The following KCNK12 variants were observed in gnomAD, a reference collection of about 807,000 sequenced individuals.
The protein encoded by KCNK12 is potassium two pore domain channel subfamily K member 12.
In KCNK12, 6 loss-of-function variants were observed where a neutral mutation model predicts 25.3. The ratio of observed to expected loss-of-function variants is 0.24; its 90% CI spans 0.13 to 0.47. The LOEUF (loss-of-function observed/expected upper bound fraction) is 0.47, where lower values mean the gene tolerates loss of function less well. Among genes scored for constraint, KCNK12 ranks in the 20% least tolerant of loss-of-function variants. KCNK12 has a pLI of 0.99. For missense variants in KCNK12, 444 were observed against 661.7 expected, an observed-to-expected ratio of 0.67 and a Z score of 3.61; for synonymous variants, 331 against 311.1, an observed-to-expected ratio of 1.06 and a Z score of -0.67.
rs1436182638 is a variant in KCNK12 at position 47,529,865 on chromosome 2, TA to T, written c.392-8058del. On this transcript the variant is annotated intron_variant, in intron 1 of 1. Transcript: ENST00000327876. The surrounding 1 kb of genome is among the most constrained non-coding windows in gnomAD (Gnocchi z 4.3). ...GGTAAACAAGAAATCATTTTTTAAGTATAAGTATGTCCCAAATATTGCATAG... is the reference window on the plus strand; with the variant it reads ...GGTAAACAAGAAATCATTTTTTAAGTTAAGTATGTCCCAAATATTGCATAG... 6.6e-6 allele frequency among the ~76,000 whole-genome samples: 1 copy of T among 152,226 alleles called. No individual in the cohort carries two copies. Among genetic ancestry groups the T allele is most frequent in the Non-Finnish European group, 1.5e-5 (1 of 68,038 alleles).
intron 1 of KCNK12, among the ~76,000 whole-genome samples, chr2:47,526,924 C>A (rs1452420071): frequency 1.3e-5 from 2 of 152,184 alleles, no homozygotes; most frequent in East Asian, 3.8e-4. Context: ...GTGAAAGCCA[C>A]CACCTAACAA....
chr2:47,552,628 C>G (rs934982956), intron 1 of KCNK12, among the ~76,000 whole-genome samples: 8 of 151,940 alleles, frequency 5.3e-5, no homozygotes, highest in African/African-American at 1.9e-4. Flanking sequence ...ATTAGCTGGG[C>G]ATGGTGGTGC....
chr2:47,569,480 T>C lies in KCNK12; in HGVS notation c.391+461A>G, dbSNP rs2104909436. 6.6e-6 allele frequency among the ~76,000 whole-genome samples: 1 copy of C among 151,896 alleles called. No individual in the cohort carries two copies. The highest frequency in any genetic ancestry group is 3.4e-3 in the Middle Eastern group (1 of 292). ...CCAGGGTAAAGGAGTTAGAGGCCACTGAGGGAGAAAACAGGGTAAAAGAAG... is the reference window on the plus strand; with the variant it reads ...CCAGGGTAAAGGAGTTAGAGGCCACCGAGGGAGAAAACAGGGTAAAAGAAG... On this transcript the variant is annotated intron_variant, in intron 1 of 1. Coordinates refer to ENST00000327876, the MANE Select transcript of KCNK12 (RefSeq NM_022055.2). This position sits in a 1 kb window ranked among gnomAD's most constrained non-coding sequence, Gnocchi z 4.1.
chr2:47,549,298 A>G (rs1010934812), intron 1 of KCNK12, among the ~76,000 whole-genome samples: 1 of 152,240 alleles, frequency 6.6e-6, no homozygotes, highest in Non-Finnish European at 1.5e-5. Flanking sequence ...GCTTAAAAAC[A>G]AGTCTGGAAA....
chr2:47,540,800 A>AAAC lies in KCNK12; in HGVS notation c.392-18993_392-18992insGTT, dbSNP rs1558556578. On this transcript the variant is annotated intron_variant, in intron 1 of 1. Transcript: ENST00000327876. The surrounding 1 kb of genome is among the most constrained non-coding windows in gnomAD (Gnocchi z 5.4). ...ACAAACAAACAAACAAACAAACAAA[A>AAAC]GCAAGCTGGGCATGGTGGCTCACAC... 1.0e-3 allele frequency among the ~76,000 whole-genome samples: 113 copies of AAAC among 111,946 alleles called. No homozygotes were observed. The highest frequency in any genetic ancestry group is 4.9e-3 in the African/African-American group (109 of 22,210). 73.4% of individuals were successfully genotyped at this position (111,946 alleles called of 152,430 possible).
Position 47,517,269 on chromosome 2 carries a change from C to G in KCNK12, c.*3638G>C, listed in dbSNP as rs1019062420. 3.9e-5 allele frequency: 6 copies of G among 152,180 alleles called. No individual in the cohort carries two copies. Among genetic ancestry groups the G allele is most frequent in the African/African-American group, 1.4e-4 (6 of 41,420 alleles). The allele number at this position is 152,180 out of a possible 1,614,324, so 9.4% of individuals were successfully genotyped here. A position where few individuals can be genotyped will look rare whatever the true frequency, so the allele number is the denominator to read the frequency against. ...AGCTTCTCCTTTGGCCATGAGGGCT[C>G]AGTCATCCCTCACCCCAGAGTCCAC... On this transcript the variant is annotated 3_prime_UTR_variant, in exon 2 of 2. Coordinates refer to ENST00000327876, the MANE Select transcript of KCNK12 (RefSeq NM_022055.2). The surrounding 1 kb of genome is among the most constrained non-coding windows in gnomAD (Gnocchi z 4.1).
chr2:47,552,862 G>C (rs573092973), intron 1 of KCNK12, among the ~76,000 whole-genome samples: 3 of 152,274 alleles, frequency 2.0e-5, no homozygotes, highest in South Asian at 2.1e-4. Flanking sequence ...AAGAAATGAG[G>C]GGGGAATGGA....
In KCNK12 at chr2:47,512,674, A is replaced by C; in HGVS notation, c.*8233T>G. The C allele has an allele frequency of 2.1e-6, 1 of 480,974 alleles. No individual in the cohort carries two copies. The highest frequency in any genetic ancestry group is 2.8e-5 in the South Asian group (1 of 35,806). The allele number at this position is 480,974 out of a possible 1,614,324, so 29.8% of individuals were successfully genotyped here. ...TGCCCTTGTACACCCACTGCCTCTG[A>C]ACTCTGCTCTGCATTGCTGAGCAAA... On this transcript the variant is annotated 3_prime_UTR_variant, in exon 2 of 2. Coordinates refer to ENST00000327876, the MANE Select transcript of KCNK12 (RefSeq NM_022055.2).
chr2:47,539,749 G>A (rs917630073), intron 1 of KCNK12, among the ~76,000 whole-genome samples: 1 of 152,210 alleles, frequency 6.6e-6, no homozygotes, highest in African/African-American at 2.4e-5. Flanking sequence ...AGAAGGAGCC[G>A]AAAGGGGAAG....
rs527868210 is a variant in KCNK12 at position 47,549,353 on chromosome 2, A to G, written c.391+20588T>C. On this transcript the variant is annotated intron_variant, in intron 1 of 1. Coordinates refer to ENST00000327876, the MANE Select transcript of KCNK12 (RefSeq NM_022055.2). ...GAACTGTCTGGCAGAACAAAGTCCA[A>G]CCCTGCTTGAAAGAGTACAAAACAA... 2.6e-4 allele frequency among the ~76,000 whole-genome samples: 39 copies of G among 152,320 alleles called. No homozygotes were observed. In the South Asian group the frequency reaches 7.2e-3, roughly 28 times the overall value.
rs1240677183 is a variant in KCNK12 at position 47,519,286 on chromosome 2, T to G, written c.*1621A>C. 6.6e-6 allele frequency: 1 copy of G among 152,220 alleles called. No homozygotes were observed. The highest frequency in any genetic ancestry group is 1.5e-5 in the Non-Finnish European group (1 of 68,050). The allele number at this position is 152,220 out of a possible 1,614,324, so 9.4% of individuals were successfully genotyped here. A position where few individuals can be genotyped will look rare whatever the true frequency, so the allele number is the denominator to read the frequency against. On this transcript the variant is annotated 3_prime_UTR_variant, in exon 2 of 2. Transcript: ENST00000327876. ...ATTCAAGTTTGACTCTAATGCTGGGTGCGTGAGCGCATGCGTGCATGTTTG... is the reference window on the plus strand; with the variant it reads ...ATTCAAGTTTGACTCTAATGCTGGGGGCGTGAGCGCATGCGTGCATGTTTG...
At chr2:47,521,920 T>G (rs1668665635) in intron 1 of KCNK12, 112 bp from the exon 2 acceptor site, 3 of 866,806 alleles carry the variant, frequency 3.5e-6, no homozygotes, top group South Asian at 2.0e-5. Context: ...GGCTCCTATC[T>G]CGAGTGGCAC....
In KCNK12 at chr2:47,570,751, GGC is replaced by G. The variant is rs1051502523; in HGVS notation, c.-422_-421del. ...CGGGCGGGGTGGGCCGTGGATCCCG[GGC>G]GCCTAGGACCGGGACGCGGCAGCAA... On this transcript the variant is annotated 5_prime_UTR_variant, in exon 1 of 2. Transcript: ENST00000327876. 2 of 152,680 alleles carry G rather than the reference GGC, an allele frequency of 1.3e-5. No individual in the cohort carries two copies. The highest frequency in any genetic ancestry group is 4.8e-5 in the African/African-American group (2 of 41,454). 9.5% of individuals were successfully genotyped at this position (152,680 alleles called of 1,614,324 possible). A position where few individuals can be genotyped will look rare whatever the true frequency, so the allele number is the denominator to read the frequency against.
At chr2:47,553,575 G>T (rs1460473789) in intron 1 of KCNK12, among the ~76,000 whole-genome samples, 6 of 152,192 alleles carry the variant, frequency 3.9e-5, no homozygotes, top group African/African-American at 1.4e-4. Flanking sequence ...GGTAGTTCTA[G>T]AGACTAACAG....
At position 47,558,964 on chromosome 2, in the gene KCNK12, C is replaced by T. The variant is rs556941894; in HGVS notation, c.391+10977G>A. On this transcript the variant is annotated intron_variant, in intron 1 of 1. Coordinates refer to ENST00000327876, the MANE Select transcript of KCNK12 (RefSeq NM_022055.2). ...GAAGAGAAAAGGCAGAACCACTGGA[C>T]TGAGAGGTGGAATTGAGCAGGGCCT... Among the ~76,000 whole-genome samples, 45 of 152,310 alleles carry T rather than the reference C, an allele frequency of 3.0e-4. 1 individual carries two copies. Among genetic ancestry groups the T allele is most frequent in the African/African-American group, 1.0e-3 (43 of 41,570 alleles).
chr2:47,535,393 T>C (rs1392674864), intron 1 of KCNK12, among the ~76,000 whole-genome samples: 1 of 152,112 alleles, frequency 6.6e-6, no homozygotes, highest in African/African-American at 2.4e-5. Context: ...AGGGTCTCTG[T>C]CAGGGCCTGG....
chr2:47,558,477 C>G (rs1047055923), intron 1 of KCNK12, among the ~76,000 whole-genome samples: 1 of 152,222 alleles, frequency 6.6e-6, no homozygotes, highest in African/African-American at 2.4e-5. Context: ...GCAATCCAAA[C>G]CTGCATGGCC....
In KCNK12 at chr2:47,521,392, A is replaced by C. The variant is rs1668652132; in HGVS notation, c.808T>G (p.Tyr270Asp). The change falls in exon 2 of 2, where the codon TAC becomes GAC. Residue 270 changes from tyrosine (Y) to aspartate (D), a missense_variant. Tyr to Asp is a radical substitution (Grantham distance 160). Transcript: ENST00000327876. ...GDLVSSQHAAYRNQGLYRLGN... is the reference protein window; with the variant it reads ...GDLVSSQHAADRNQGLYRLGN... ...AGGCGGTAGAGCCCCTGGTTCCGGT[A>C]GGCGGCGTGCTGGCTGCTCACCAGG... 6.2e-7 allele frequency: 1 copy of C among 1,613,476 alleles called. No individual in the cohort carries two copies. Among genetic ancestry groups the C allele is most frequent in the Non-Finnish European group, 8.5e-7 (1 of 1,179,862 alleles).
At chr2:47,544,948 G>A (rs1669280558) in intron 1 of KCNK12, among the ~76,000 whole-genome samples, 1 of 152,232 alleles carries the variant, frequency 6.6e-6, no homozygotes, top group Non-Finnish European at 1.5e-5. Flanking sequence ...TTTTAGTGGT[G>A]AAGCTAAAGG....
Sources: allele counts gnomAD v4.1 joint callset (sites outside exome capture counted in the v4.1 genomes callset), GRCh38; gene constraint gnomAD v4.1.1; non-coding constraint Gnocchi (gnomAD v3.1); transcripts MANE v1.5; gene names NCBI Gene and HGNC (gene_info 2026-07-23, HGNC 2026-07-21).